Variants in MTMR7 observed in about 807,000 individuals in gnomAD.
MTMR7 encodes phosphatidylinositol-3-phosphate phosphatase MTMR7.
MTMR7 carries 76 observed loss-of-function variants against 81.2 expected under a neutral mutation model. The observed-to-expected ratio is 0.94, with a 90% CI of 0.78 to 1.13. MTMR7 has a LOEUF of 1.13. Among genes scored for constraint, MTMR7 ranks in the 50% most tolerant of loss-of-function variants. The probability of loss-of-function intolerance (pLI) is 0.00; values close to 1 mark genes in which losing one functional copy is unlikely to be tolerated. For missense variants in MTMR7, 1,044 were observed against 820.0 expected (o/e 1.27, Z -3.34); for synonymous variants, 372 against 289.8 (o/e 1.28, Z -2.88).
At chr8:17,318,823 C>T (rs914458980) in intron 7 of MTMR7, among the ~76,000 whole-genome samples, 6 of 152,222 alleles carry the variant, frequency 3.9e-5, no homozygotes, top group Admixed American at 2.0e-4. Flanking sequence ...GAGAAGCAGC[C>T]TCCACAGGCA....
At chr8:17,407,078 A>C (rs1466954217) in intron 1 of MTMR7, among the ~76,000 whole-genome samples, 1 of 152,174 alleles carries the variant, frequency 6.6e-6, no homozygotes, top group African/African-American at 2.4e-5. Flanking sequence ...AAAAATCACA[A>C]AATTGCATAC....
chr8:17,363,164 T>C (rs1190117028), intron 3 of MTMR7, among the ~76,000 whole-genome samples: 4 of 152,242 alleles, frequency 2.6e-5, no homozygotes, highest in African/African-American at 4.8e-5. Context: ...GCTGACAGCA[T>C]GTGAAACCTC....
rs1819400170 is a variant in MTMR7 at position 17,341,310 on chromosome 8, C to T, written c.732+53G>A. ...TGGCAGTCGGCTAGCCTTTGCCTGT[C>T]TCCAGTTTCACAACTCAGGTGCAAA... On this transcript the variant is annotated intron_variant, in intron 6 of 13. Coordinates refer to ENST00000180173, the MANE Select transcript of MTMR7 (RefSeq NM_004686.5). 3 of 1,604,924 alleles carry T rather than the reference C, an allele frequency of 1.9e-6. No individual in the cohort carries two copies. In the South Asian group the frequency reaches 3.3e-5, roughly 18 times the overall value.
At chr8:17,352,623 C>T (rs1037186884) in intron 4 of MTMR7, among the ~76,000 whole-genome samples, 1 of 152,094 alleles carries the variant, frequency 6.6e-6, no homozygotes, top group Non-Finnish European at 1.5e-5. Context: ...AACTTAAAAA[C>T]TTTTATACAT....
rs1323577347 is a variant in MTMR7, at chr8:17,298,159, GTGAGT to G, written c.*1698_*1702del. 1 of 152,002 alleles carries G rather than the reference GTGAGT, an allele frequency of 6.6e-6. No homozygotes were observed. The highest frequency in any genetic ancestry group is 1.5e-5 in the Non-Finnish European group (1 of 67,896). The allele number at this position is 152,002 out of a possible 1,614,324, so 9.4% of individuals were successfully genotyped here. A position where few individuals can be genotyped will look rare whatever the true frequency, so the allele number is the denominator to read the frequency against. ...TGGACAGCTCCAAGAAGGTTGTGAA[GTGAGT>G]TATGTTATGTTATAAAAATGTGAAA... On this transcript the variant is annotated 3_prime_UTR_variant, in exon 14 of 14. Coordinates refer to ENST00000180173, the MANE Select transcript of MTMR7 (RefSeq NM_004686.5).
intron 9 of MTMR7, among the ~76,000 whole-genome samples, chr8:17,311,140 C>G (rs1817758857): frequency 6.6e-6 from 1 of 152,114 alleles, no homozygotes; most frequent in African/African-American, 2.4e-5. Flanking sequence ...AAAATTTCTT[C>G]CCAAAATATT....
chr8:17,304,642 G>T, intron 11 of MTMR7, 123 bp from the exon 12 acceptor site: 1 of 935,808 alleles, frequency 1.1e-6, no homozygotes, highest in Non-Finnish European at 1.6e-6. Flanking sequence ...CTGTTCGATA[G>T]CAGGTAAATG....
intron 4 of MTMR7, 199 bp from the exon 5 acceptor site, chr8:17,349,280 G>A: frequency 1.9e-6 from 1 of 533,316 alleles, no homozygotes; most frequent in Non-Finnish European, 3.3e-6. Context: ...CATTCTGAAG[G>A]AACGCAAGCT....
chr8:17,351,471 C>T (rs1344977876), intron 4 of MTMR7, among the ~76,000 whole-genome samples: 7 of 152,228 alleles, frequency 4.6e-5, no homozygotes, highest in Non-Finnish European at 8.8e-5. Context: ...TCTTGATTCA[C>T]AAAGGAGCAA....
At chr8:17,389,757 G>T (rs1332091741) in intron 1 of MTMR7, among the ~76,000 whole-genome samples, 1 of 151,892 alleles carries the variant, frequency 6.6e-6, no homozygotes, top group Admixed American at 6.6e-5. Context: ...GCAGAGACGG[G>T]GAAAAAATAA....
chr8:17,346,555 T>C (rs754423659), intron 5 of MTMR7, among the ~76,000 whole-genome samples: 2 of 152,198 alleles, frequency 1.3e-5, no homozygotes, highest in East Asian at 3.9e-4. Context: ...AGAAGCTGCC[T>C]CTGAGGTCTA....
At chr8:17,309,376 A>G (rs1161536408) in intron 9 of MTMR7, 50 bp from the exon 10 acceptor site, 2 of 1,228,006 alleles carry the variant, frequency 1.6e-6, no homozygotes, top group Non-Finnish European at 2.4e-6. Context: ...ACGAAAAATA[A>G]GAGACCACAC....
intron 1 of MTMR7, among the ~76,000 whole-genome samples, chr8:17,403,550 G>A (rs1821488963): frequency 6.6e-6 from 1 of 152,068 alleles, no homozygotes; most frequent in Admixed American, 6.6e-5. Context: ...AATACATTTG[G>A]CTATTCTGGG....
At chr8:17,332,747 C>A (rs1819072604) in intron 6 of MTMR7, among the ~76,000 whole-genome samples, 1 of 152,134 alleles carries the variant, frequency 6.6e-6, no homozygotes, top group Non-Finnish European at 1.5e-5. Flanking sequence ...TTGGCATTGG[C>A]CCATGACAAG....
Position 17,346,884 on chromosome 8 carries a change from T to TTAA in MTMR7, c.597+2068_597+2069insTTA, listed in dbSNP as rs1460068255. On this transcript the variant is annotated intron_variant, in intron 5 of 13. Coordinates refer to ENST00000180173, the MANE Select transcript of MTMR7 (RefSeq NM_004686.5). ...CCTATCTCTATTTATCCTATCTTAA[T>TTAA]AAAAAAAAAAAAAAAAAAAAAAAAA... Among the ~76,000 whole-genome samples, 5 of 65,048 alleles carry TTAA rather than the reference T, an allele frequency of 7.7e-5. No homozygotes were observed. In the East Asian group the frequency reaches 2.8e-3, roughly 36 times the overall value. The allele number at this position is 65,048 out of a possible 152,430, so 42.7% of individuals were successfully genotyped here.
intron 6 of MTMR7, among the ~76,000 whole-genome samples, chr8:17,337,230 T>C: frequency 6.6e-6 from 1 of 151,914 alleles, no homozygotes; most frequent in East Asian, 1.9e-4. Flanking sequence ...CCGGGCGTGG[T>C]GGCGGGCACC....
chr8:17,379,233 T>C (rs1197512961), intron 1 of MTMR7, among the ~76,000 whole-genome samples: 1 of 152,138 alleles, frequency 6.6e-6, no homozygotes, highest in Non-Finnish European at 1.5e-5. Flanking sequence ...ATGAGGATCA[T>C]AACCCATGAA....
At chr8:17,404,333 G>A (rs1466946019) in intron 1 of MTMR7, among the ~76,000 whole-genome samples, 1 of 152,098 alleles carries the variant, frequency 6.6e-6, no homozygotes, top group Non-Finnish European at 1.5e-5. Flanking sequence ...GCCGAGATTG[G>A]AAAGAGTACA....
chr8:17,391,336 C>A (rs1821102599), intron 1 of MTMR7, among the ~76,000 whole-genome samples: 1 of 152,058 alleles, frequency 6.6e-6, no homozygotes, highest in Non-Finnish European at 1.5e-5. Flanking sequence ...GGAGATTTTC[C>A]AAAATCTTAG....
Sources: allele counts gnomAD v4.1 joint callset (sites outside exome capture counted in the v4.1 genomes callset), GRCh38; gene constraint gnomAD v4.1.1; transcripts MANE v1.5; gene names NCBI Gene and HGNC (gene_info 2026-07-23, HGNC 2026-07-21).